ECM2: variants seen among roughly 807,000 people sequenced by gnomAD.
The protein encoded by ECM2 is extracellular matrix protein 2, female organ and adipocyte specific.
ECM2 carries 57 observed loss-of-function variants against 67.5 expected under a neutral mutation model. That is an observed-to-expected ratio of 0.84 (90% CI 0.68 to 1.05). The LOEUF (loss-of-function observed/expected upper bound fraction) is 1.05, where lower values mean the gene tolerates loss of function less well. Among genes scored for constraint, ECM2 ranks in the 50% least tolerant of loss-of-function variants. The pLI is 0.00. For missense variants in ECM2, 741 were observed against 822.8 expected (o/e 0.90, Z 1.22); for synonymous variants, 258 against 294.5 (o/e 0.88, Z 1.27).
intron 6 of ECM2, 117 bp downstream of exon 6, chr9:92,509,782 A>G (rs1329550321): frequency 1.8e-6 from 2 of 1,133,506 alleles, no homozygotes; most frequent in East Asian, 2.9e-5. Flanking sequence ...CAAATGGTTA[A>G]GTGACCTAAA....
intron 1 of ECM2, among the ~76,000 whole-genome samples, chr9:92,524,599 C>T (rs913654241): frequency 6.6e-6 from 1 of 152,148 alleles, no homozygotes; most frequent in African/African-American, 2.4e-5. Flanking sequence ...CACCTATACC[C>T]CTTGCAGCTT....
chr9:92,532,194 T>C (rs1848841880), intron 1 of ECM2, among the ~76,000 whole-genome samples: 1 of 151,656 alleles, frequency 6.6e-6, no homozygotes, highest in Non-Finnish European at 1.5e-5. Flanking sequence ...CTTTTTTCCA[T>C]TGTTTGTTTT....
At chr9:92,533,328 A>AATATATATATATATATATATATATATAT (rs202147064) in intron 1 of ECM2, among the ~76,000 whole-genome samples, 2 of 38,332 alleles carry the variant, frequency 5.2e-5, no homozygotes, top group African/African-American at 2.9e-4. Context: ...AAAAAAAAAA[A>AATATATATATATATATATATATATATAT]ATATATATAT....
intron 1 of ECM2, among the ~76,000 whole-genome samples, chr9:92,533,871 G>A (rs1849009039): frequency 6.6e-6 from 1 of 151,884 alleles, no homozygotes; most frequent in South Asian, 2.1e-4. Context: ...AATTTGACTT[G>A]AATCTGATTC....
intron 3 of ECM2, chr9:92,517,344 G>T: frequency 6.9e-6 from 3 of 435,098 alleles, no homozygotes; most frequent in Non-Finnish European, 1.2e-5. Flanking sequence ...GTGGGATAAT[G>T]CACATATAGA....
the ECM2 span, among the ~76,000 whole-genome samples, chr9:92,551,931 A>G: frequency 0.032 from 2,101 of 65,878 alleles, 130 homozygotes; most frequent in African/African-American, 0.16. Flanking sequence ...GTGTGTATAT[A>G]TATATATATA....
At chr9:92,511,356 A>C (rs1847327627) in intron 5 of ECM2, among the ~76,000 whole-genome samples, 1 of 128,772 alleles carries the variant, frequency 7.8e-6, no homozygotes, top group Non-Finnish European at 1.6e-5. Context: ...CAAACTCCTG[A>C]CCTCATGATC....
At chr9:92,535,002 T>C (rs1362812061) in intron 1 of ECM2, among the ~76,000 whole-genome samples, 2 of 152,194 alleles carry the variant, frequency 1.3e-5, no homozygotes, top group African/African-American at 2.4e-5. Context: ...CATTGCCTGA[T>C]TGAGTGCTTA....
rs928090446 is a variant in ECM2, at chr9:92,502,545, A to G, written c.1572T>C (p.Asn524=). 1.1e-5 allele frequency: 18 copies of G among 1,612,702 alleles called. No individual in the cohort carries two copies. The highest frequency in any genetic ancestry group is 1.4e-5 in the Non-Finnish European group (17 of 1,179,454). ...TTATCCAGGCTAAAGGAGCAATCCT[A>G]TTTTCTTCAATTTTGTTATAACGTA... ...IVLRYNKIEE[N]RIAPLAWINQ... The change falls in exon 8 of 10, where the codon AAT becomes AAC. Residue 524 remains asparagine, a synonymous_variant. Transcript: ENST00000344604.
the ECM2 span, among the ~76,000 whole-genome samples, chr9:92,552,814 T>TC: frequency 6.6e-6 from 1 of 152,210 alleles, no homozygotes; most frequent in Non-Finnish European, 1.5e-5. Flanking sequence ...TGCTGACTGT[T>TC]CCTTTTGCCG....
rs201745324 is a variant in ECM2, at chr9:92,500,847, T to C, written c.1811A>G (p.Tyr604Cys). The C allele has an allele frequency of 1.6e-4, 257 of 1,614,054 alleles. No individual in the cohort carries two copies. The highest frequency in any genetic ancestry group is 2.0e-4 in the Non-Finnish European group (231 of 1,180,042). Residue 604 changes from tyrosine (Y) to cysteine (C), a missense_variant, in exon 9 of 10, where the codon TAT becomes TGT. By Grantham distance (194) the Tyr-to-Cys change is radical. Transcript: ENST00000344604. ...TTCTCTCAGAGAATGATATGCCCCA[T>C]AGAAGGAGACACGGTCCATGCCATC... ...ADDGMDRVSF[Y>C]GAYHSLRELF... is the part of the protein sequence containing the mutation.
At chr9:92,530,650 T>C (rs905992253) in intron 1 of ECM2, among the ~76,000 whole-genome samples, 5 of 152,156 alleles carry the variant, frequency 3.3e-5, no homozygotes, top group African/African-American at 1.2e-4. Flanking sequence ...TCTCCGGGAG[T>C]GCTTTTGCTA....
Position 92,522,628 on chromosome 9 carries a change from A to G in ECM2, c.239T>C (p.Phe80Ser), listed in dbSNP as rs150291467. Reference sequence around the variant, plus strand: ...TCCAGGAAAACTTGAAAAGGATTCAAACTTTTCCTCCATGCTATAATCAAA... The same window carrying G: ...TCCAGGAAAACTTGAAAAGGATTCAGACTTTTCCTCCATGCTATAATCAAA... The part of the protein sequence containing the change: ...VNFDYSMEEK[F>S]ESFSSFPGVE... Residue 80 changes from phenylalanine (F) to serine (S), a missense_variant, in exon 2 of 10, where the codon TTT becomes TCT. Transcript: ENST00000344604. The G allele has an allele frequency of 1.1e-4, 184 of 1,613,832 alleles. No individual in the cohort carries two copies. The highest frequency in any genetic ancestry group is 2.7e-4 in the Admixed American group (16 of 59,988).
rs766786749 is a variant in ECM2, at chr9:92,522,723, T to G, written c.144A>C (p.Arg48Ser). Residue 48 changes from arginine (R) to serine (S), a missense_variant, in exon 2 of 10, where the codon AGA becomes AGC. Coordinates refer to ENST00000344604, the MANE Select transcript of ECM2 (RefSeq NM_001393.4). ...LRKSSTSHKH[R>S]SNRQLGIQQT... ...GCTGAATTCCAAGCTGTCTGTTTGA[T>G]CTGTGCTTGTGTGAGGTTGAACTTT... 1 of 1,614,184 alleles carries G rather than the reference T, an allele frequency of 6.2e-7. No individual in the cohort carries two copies. Among genetic ancestry groups the G allele is most frequent in the Non-Finnish European group, 8.5e-7 (1 of 1,180,020 alleles).
chr9:92,515,658 G>T (rs148163749), intron 3 of ECM2, among the ~76,000 whole-genome samples: 1 of 152,152 alleles, frequency 6.6e-6, no homozygotes, highest in Non-Finnish European at 1.5e-5. Context: ...AGTGAAACAG[G>T]TGTATATTTT....
intron 3 of ECM2, 169 bp downstream of exon 3, chr9:92,517,517 CT>C: frequency 1.2e-6 from 1 of 857,638 alleles, no homozygotes; most frequent in Non-Finnish European, 1.8e-6. Flanking sequence ...TTTATATCCC[CT>C]ACCATACATT....
intron 1 of ECM2, among the ~76,000 whole-genome samples, chr9:92,527,345 T>C (rs1205195676): frequency 6.6e-6 from 1 of 152,124 alleles, no homozygotes. Flanking sequence ...ACCATTCTGT[T>C]CCAGTTGCCT....
At chr9:92,519,474 G>A (rs1847929760) in intron 2 of ECM2, among the ~76,000 whole-genome samples, 5 of 152,154 alleles carry the variant, frequency 3.3e-5, no homozygotes, top group Admixed American at 3.3e-4. Flanking sequence ...AAGCATAGAC[G>A]TATAGGCCAA....
the ECM2 span, among the ~76,000 whole-genome samples, chr9:92,551,642 C>T: frequency 6.6e-6 from 1 of 151,794 alleles, no homozygotes; most frequent in Non-Finnish European, 1.5e-5. Context: ...ATACACTGCA[C>T]CCTATTTGTT....
Sources: gnomAD v4.1 joint callset for allele counts (sites outside exome capture counted in the v4.1 genomes callset) on GRCh38, gnomAD v4.1.1 for gene constraint, MANE v1.5 for transcripts, NCBI Gene and HGNC (gene_info 2026-07-23, HGNC 2026-07-21) for gene names.